Variants in MDGA2 observed in about 807,000 individuals in gnomAD.
MDGA2 encodes MAM domain containing glycosylphosphatidylinositol anchor 2, also known as MAM domain-containing glycosylphosphatidylinositol anchor protein 2.
A neutral mutation model predicts 117.8 loss-of-function variants in MDGA2; 40 were observed. The ratio of observed to expected loss-of-function variants is 0.34; its 90% CI spans 0.26 to 0.44. MDGA2 has a LOEUF of 0.44. Ranked by LOEUF, MDGA2 falls within the 20% of genes least tolerant of loss-of-function variation. MDGA2 has a pLI of 1.00. For synonymous variants in MDGA2, 452 were observed against 439.0 expected (o/e 1.03, Z -0.37); for missense variants, 1,123 against 1,250.6 (o/e 0.90, Z 1.54).
At chr14:47,579,836 A>G (rs1383091893) in intron 1 of MDGA2, among the ~76,000 whole-genome samples, 2 of 152,104 alleles carry the variant, frequency 1.3e-5, no homozygotes, top group Non-Finnish European at 2.9e-5. Flanking sequence ...TCCTTGCTAC[A>G]CATCCATTTT....
intron 10 of MDGA2, among the ~76,000 whole-genome samples, chr14:46,908,890 G>A (rs2138473855): frequency 6.6e-6 from 1 of 152,212 alleles, no homozygotes; most frequent in African/African-American, 2.4e-5. Context: ...CATCAAGATG[G>A]TTTGAAAATT....
At chr14:47,302,702 GA>G (rs1222846670) in intron 1 of MDGA2, among the ~76,000 whole-genome samples, 1 of 152,024 alleles carries the variant, frequency 6.6e-6, no homozygotes, top group Non-Finnish European at 1.5e-5. Flanking sequence ...GCCAACTCAT[GA>G]AAAAAATCAT....
At chr14:47,294,993 G>A (rs1889014901) in intron 2 of MDGA2, among the ~76,000 whole-genome samples, 1 of 152,136 alleles carries the variant, frequency 6.6e-6, no homozygotes, top group African/African-American at 2.4e-5. Context: ...TTGAAAAATG[G>A]CCTAGCCAAA....
At chr14:46,920,229 G>A in intron 9 of MDGA2, 69 bp from the exon 10 acceptor site, 1 of 1,421,676 alleles carries the variant, frequency 7.0e-7, no homozygotes, top group Admixed American at 2.4e-5. Flanking sequence ...TATTCCCTTT[G>A]GCCCTTTTAC....
At chr14:47,486,022 G>A (rs1423396029) in intron 1 of MDGA2, among the ~76,000 whole-genome samples, 1 of 152,200 alleles carries the variant, frequency 6.6e-6, no homozygotes, top group Non-Finnish European at 1.5e-5. Flanking sequence ...TAGTGCAGCT[G>A]TGAGAAGAGT....
chr14:47,168,557 G>A (rs1883985819), intron 3 of MDGA2, among the ~76,000 whole-genome samples: 1 of 151,904 alleles, frequency 6.6e-6, no homozygotes, highest in South Asian at 2.1e-4. Context: ...TTGATGAAAA[G>A]TTATTACTAA....
intron 1 of MDGA2, among the ~76,000 whole-genome samples, chr14:47,596,122 G>A (rs1896537683): frequency 6.6e-6 from 1 of 152,108 alleles, no homozygotes; most frequent in Non-Finnish European, 1.5e-5. Flanking sequence ...CACCGTGAGG[G>A]TAGTTACACA....
At chr14:46,987,727 T>C (rs972068764) in intron 8 of MDGA2, among the ~76,000 whole-genome samples, 1 of 152,100 alleles carries the variant, frequency 6.6e-6, no homozygotes, top group East Asian at 1.9e-4. Flanking sequence ...ACAGTGAAAC[T>C]TACAACTATG....
At chr14:47,548,714 T>C (rs569754514) in intron 1 of MDGA2, among the ~76,000 whole-genome samples, 1 of 152,262 alleles carries the variant, frequency 6.6e-6, no homozygotes, top group Admixed American at 6.5e-5. Flanking sequence ...GAAATTAAGG[T>C]CTTCTGAATT....
chr14:46,985,407 G>A (rs113853930), intron 8 of MDGA2, among the ~76,000 whole-genome samples: 7,728 of 151,998 alleles, frequency 0.051, 250 homozygotes, highest in Non-Finnish European at 0.073. Context: ...ACCGAACCTA[G>A]TGGATTACAC....
intron 1 of MDGA2, among the ~76,000 whole-genome samples, chr14:47,403,308 T>A (rs1250734635): frequency 6.7e-6 from 1 of 149,438 alleles, no homozygotes; most frequent in Non-Finnish European, 1.5e-5. Context: ...TCCTTAAAAA[T>A]CTTCTCTTAT....
At chr14:47,485,338 G>A (rs530314662) in intron 1 of MDGA2, among the ~76,000 whole-genome samples, 13 of 152,136 alleles carry the variant, frequency 8.5e-5, no homozygotes, top group Non-Finnish European at 1.5e-4. Flanking sequence ...TTGAGAGAGT[G>A]ATTTAGGGCA....
chr14:47,345,733 G>A (rs558692711), intron 1 of MDGA2, among the ~76,000 whole-genome samples: 2 of 152,208 alleles, frequency 1.3e-5, no homozygotes, highest in Admixed American at 1.3e-4. Context: ...TCATAAATTA[G>A]CTAACTGAAA....
intron 3 of MDGA2, among the ~76,000 whole-genome samples, chr14:47,166,587 G>C (rs543616956): frequency 1.3e-5 from 2 of 152,256 alleles, no homozygotes; most frequent in East Asian, 3.9e-4. Context: ...CCTCTTCTAA[G>C]AATAGGTCTT....
intron 7 of MDGA2, among the ~76,000 whole-genome samples, chr14:47,040,783 A>C (rs989639900): frequency 1.3e-5 from 2 of 152,170 alleles, no homozygotes; most frequent in African/African-American, 4.8e-5. Flanking sequence ...TTACCCATTT[A>C]ACCTGTCCTT....
At chr14:47,346,878 A>G (rs1890773341) in intron 1 of MDGA2, among the ~76,000 whole-genome samples, 1 of 152,236 alleles carries the variant, frequency 6.6e-6, no homozygotes, top group Non-Finnish European at 1.5e-5. Context: ...ATTACAAAGC[A>G]GTAAGATTTT....
At chr14:46,984,080 A>G (rs1886780524) in intron 8 of MDGA2, among the ~76,000 whole-genome samples, 2 of 152,004 alleles carry the variant, frequency 1.3e-5, no homozygotes. Flanking sequence ...ATTCCACTGG[A>G]TATCTCAGAA....
chr14:47,193,389 G>A (rs2139413960), intron 3 of MDGA2, among the ~76,000 whole-genome samples: 1 of 152,252 alleles, frequency 6.6e-6, no homozygotes, highest in Admixed American at 6.5e-5. Context: ...AGATAGAGTA[G>A]ATTAGGAATC....
intron 2 of MDGA2, among the ~76,000 whole-genome samples, chr14:47,242,735 T>TG: frequency 6.6e-6 from 1 of 151,896 alleles, no homozygotes; most frequent in Middle Eastern, 3.4e-3. Flanking sequence ...ACCCACTCCA[T>TG]GGGCCCCTGT....
Sources: allele counts gnomAD v4.1 joint callset (sites outside exome capture counted in the v4.1 genomes callset), GRCh38; gene constraint gnomAD v4.1.1; transcripts MANE v1.5; gene names NCBI Gene and HGNC (gene_info 2026-07-23, HGNC 2026-07-21).